ST6GALNAC3: variants seen among roughly 807,000 people sequenced by gnomAD.
The protein encoded by ST6GALNAC3 is ST6 N-acetylgalactosaminide alpha-2,6-sialyltransferase 3, also known as alpha-N-acetylgalactosaminide alpha-2,6-sialyltransferase 3.
Under a neutral mutation model 32.7 loss-of-function variants are expected in ST6GALNAC3, and 25 were observed. The observed-to-expected ratio is 0.76, with a 90% CI of 0.56 to 1.07. ST6GALNAC3 has a LOEUF of 1.07. Among genes scored for constraint, ST6GALNAC3 ranks in the 50% least tolerant of loss-of-function variants. The pLI, the probability that ST6GALNAC3 is intolerant of heterozygous loss-of-function variation, is 0.00. For missense variants in ST6GALNAC3, 355 were observed against 382.4 expected (o/e 0.93, Z 0.60); for synonymous variants, 129 against 133.1 (o/e 0.97, Z 0.21).
chr1:76,426,190 T>A (rs2101410561), intron 3 of ST6GALNAC3, among the ~76,000 whole-genome samples: 1 of 152,040 alleles, frequency 6.6e-6, no homozygotes, highest in South Asian at 2.1e-4. Context: ...TCCTTTATGT[T>A]ACTTGTTATG....
chr1:76,458,713 C>A (rs959568869), intron 3 of ST6GALNAC3, among the ~76,000 whole-genome samples: 1 of 126,910 alleles, frequency 7.9e-6, no homozygotes. Context: ...GGAAGGGGAA[C>A]ATCACACTCT....
chr1:76,511,341 T>C (rs1226397143), intron 3 of ST6GALNAC3, among the ~76,000 whole-genome samples: 1 of 152,164 alleles, frequency 6.6e-6, no homozygotes, highest in Non-Finnish European at 1.5e-5. Flanking sequence ...CTCTCATCAG[T>C]TACAATCCAG....
chr1:76,383,130 C>T (rs899287014), intron 2 of ST6GALNAC3, among the ~76,000 whole-genome samples: 16 of 152,096 alleles, frequency 1.1e-4, no homozygotes, highest in African/African-American at 3.9e-4. Flanking sequence ...CTTCAAAGTA[C>T]TGAAAGGAAG....
At chr1:76,366,066 T>A (rs1650343911) in intron 2 of ST6GALNAC3, among the ~76,000 whole-genome samples, 1 of 151,858 alleles carries the variant, frequency 6.6e-6, no homozygotes, top group Admixed American at 6.6e-5. Context: ...AGATGATTTC[T>A]TTTTTTTAAA....
chr1:76,503,065 A>C (rs901877369), intron 3 of ST6GALNAC3, among the ~76,000 whole-genome samples: 1 of 152,190 alleles, frequency 6.6e-6, no homozygotes, highest in African/African-American at 2.4e-5. Flanking sequence ...CTGAAACGGA[A>C]CTTACAAGTT....
At chr1:76,201,233 C>T (rs60006887) in intron 1 of ST6GALNAC3, among the ~76,000 whole-genome samples, 12,784 of 152,118 alleles carry the variant, frequency 0.084, 593 homozygotes, top group African/African-American at 0.12. Context: ...ACTCACAGTT[C>T]GACATGGCCA....
At chr1:76,249,664 G>A (rs567410813) in intron 1 of ST6GALNAC3, among the ~76,000 whole-genome samples, 2 of 152,226 alleles carry the variant, frequency 1.3e-5, no homozygotes, top group Admixed American at 6.5e-5. Flanking sequence ...CATATGGTAT[G>A]TCTATGTTTA....
At chr1:76,174,663 C>T (rs1409613243) in intron 1 of ST6GALNAC3, among the ~76,000 whole-genome samples, 3 of 140,140 alleles carry the variant, frequency 2.1e-5, no homozygotes, top group African/African-American at 5.3e-5. Flanking sequence ...TTTTTCTTTT[C>T]TTTTTTTTTT....
At chr1:76,242,332 A>G (rs953349335) in intron 1 of ST6GALNAC3, among the ~76,000 whole-genome samples, 5 of 152,126 alleles carry the variant, frequency 3.3e-5, no homozygotes, top group Non-Finnish European at 7.4e-5. Flanking sequence ...GGGATGAGCT[A>G]GAGTTGGGGG....
intron 3 of ST6GALNAC3, among the ~76,000 whole-genome samples, chr1:76,621,797 TTC>T (rs1438806379): frequency 1.3e-5 from 2 of 152,204 alleles, no homozygotes; most frequent in African/African-American, 4.8e-5. Context: ...ATAATCTGTA[TTC>T]TGTCAGGTAT....
chr1:76,398,130 T>C (rs1158701446), intron 2 of ST6GALNAC3, among the ~76,000 whole-genome samples: 1 of 151,066 alleles, frequency 6.6e-6, no homozygotes, highest in Non-Finnish European at 1.5e-5. Context: ...TCCAAACCAT[T>C]ATTCCACGAG....
At chr1:76,636,762 C>T (rs1414840260), downstream of ST6GALNAC3, 1 of 151,966 alleles carries the variant, frequency 6.6e-6, no homozygotes, top group Admixed American at 6.6e-5. Context: ...TATTTGCTAT[C>T]TTGGAGAAAG....
At chr1:76,347,387 C>A (rs905036054) in intron 2 of ST6GALNAC3, among the ~76,000 whole-genome samples, 1 of 152,040 alleles carries the variant, frequency 6.6e-6, no homozygotes, top group African/African-American at 2.4e-5. Flanking sequence ...ACTTACCTAT[C>A]TCAGTTTCTT....
chr1:76,194,485 A>G (rs1654084479), intron 1 of ST6GALNAC3, among the ~76,000 whole-genome samples: 1 of 150,050 alleles, frequency 6.7e-6, no homozygotes, highest in Non-Finnish European at 1.5e-5. Flanking sequence ...AATTTATTTC[A>G]AAGTAATAAT....
At chr1:76,455,582 C>T (rs1657716006) in intron 3 of ST6GALNAC3, among the ~76,000 whole-genome samples, 1 of 152,148 alleles carries the variant, frequency 6.6e-6, no homozygotes, top group Non-Finnish European at 1.5e-5. Context: ...GGATTTGGGG[C>T]TTTCAGCTAC....
At chr1:76,324,285 C>G (rs1647026579) in intron 2 of ST6GALNAC3, among the ~76,000 whole-genome samples, 1 of 152,178 alleles carries the variant, frequency 6.6e-6, no homozygotes, top group South Asian at 2.1e-4. Flanking sequence ...AATATTCTCC[C>G]ATTCCTTAAA....
chr1:76,320,900 A>G (rs1646953485), intron 2 of ST6GALNAC3, among the ~76,000 whole-genome samples: 2 of 151,984 alleles, frequency 1.3e-5, no homozygotes, highest in South Asian at 4.2e-4. Context: ...TATACAACAT[A>G]CTATGTTATA....
chr1:76,267,263 C>A (rs1658587006), intron 1 of ST6GALNAC3, among the ~76,000 whole-genome samples: 1 of 152,128 alleles, frequency 6.6e-6, no homozygotes. Context: ...CTCTGTCTAG[C>A]CCCTGCTAAG....
At chr1:76,404,393 T>G (rs1653663813) in intron 2 of ST6GALNAC3, among the ~76,000 whole-genome samples, 1 of 152,126 alleles carries the variant, frequency 6.6e-6, no homozygotes, top group Non-Finnish European at 1.5e-5. Context: ...GTTAAAGGTC[T>G]GCTGAAAGTG....
Sources: gnomAD v4.1 joint callset for allele counts (sites outside exome capture counted in the v4.1 genomes callset) on GRCh38, gnomAD v4.1.1 for gene constraint, MANE v1.5 for transcripts, NCBI Gene and HGNC (gene_info 2026-07-23, HGNC 2026-07-21) for gene names.